Variants in PTPRD observed in about 807,000 individuals in gnomAD.
The protein encoded by PTPRD is protein tyrosine phosphatase receptor type D.
A neutral mutation model predicts 214.5 loss-of-function variants in PTPRD; 34 were observed. The observed-to-expected ratio is 0.16, with a 90% CI of 0.12 to 0.21. The LOEUF (loss-of-function observed/expected upper bound fraction) is 0.21, where lower values mean the gene tolerates loss of function less well. PTPRD is among the 10% of genes least tolerant of loss of function. PTPRD has a pLI of 1.00. For missense variants in PTPRD, 2,545 were observed against 2,398.7 expected (o/e 1.06, Z -1.27); for synonymous variants, 1,128 against 845.7 (o/e 1.33, Z -5.79).
At chr9:10,583,230 T>G (rs548348681) in intron 2 of PTPRD, among the ~76,000 whole-genome samples, 7 of 152,100 alleles carry the variant, frequency 4.6e-5, no homozygotes, top group Non-Finnish European at 7.4e-5. Flanking sequence ...TCACGAGGAG[T>G]TGGGTCAGCA....
chr9:9,372,446 T>G (rs1222204359), intron 9 of PTPRD, among the ~76,000 whole-genome samples: 1 of 152,130 alleles, frequency 6.6e-6, no homozygotes. Flanking sequence ...CCCTGTCTTT[T>G]TTTGTTTTCC....
chr9:9,007,800 CTT>C (rs35845079), intron 11 of PTPRD, among the ~76,000 whole-genome samples: 2 of 102,726 alleles, frequency 1.9e-5, no homozygotes, highest in Non-Finnish European at 4.2e-5. Flanking sequence ...TTGTTTCTTT[CTT>C]TTTTTTTTTA....
At chr9:9,650,165 C>A (rs1436815823) in intron 7 of PTPRD, among the ~76,000 whole-genome samples, 2 of 152,178 alleles carry the variant, frequency 1.3e-5, no homozygotes, top group African/African-American at 2.4e-5. Context: ...TAAAAGTGTG[C>A]AGTGGTTTTC....
intron 2 of PTPRD, among the ~76,000 whole-genome samples, chr9:10,493,747 T>C (rs1245286682): frequency 1.3e-5 from 2 of 152,014 alleles, no homozygotes; most frequent in African/African-American, 2.4e-5. Context: ...ATTTCCCCCA[T>C]AGAATAGATT....
chr9:10,398,163 G>A (rs1363435719), intron 2 of PTPRD, among the ~76,000 whole-genome samples: 1 of 151,536 alleles, frequency 6.6e-6, no homozygotes, highest in Non-Finnish European at 1.5e-5. Flanking sequence ...AGGAGTGCTT[G>A]AGACCAGGAG....
intron 3 of PTPRD, among the ~76,000 whole-genome samples, chr9:10,228,621 T>C (rs1000520217): frequency 2.0e-5 from 3 of 151,758 alleles, no homozygotes; most frequent in South Asian, 2.1e-4. Flanking sequence ...TAAAGGTATA[T>C]TTTTTTCACC....
At chr9:8,988,854 G>A (rs1197794335) in intron 11 of PTPRD, among the ~76,000 whole-genome samples, 3 of 152,074 alleles carry the variant, frequency 2.0e-5, no homozygotes, top group Non-Finnish European at 4.4e-5. Flanking sequence ...ACACAGAATT[G>A]TTCCAGAGAA....
intron 5 of PTPRD, among the ~76,000 whole-genome samples, chr9:9,917,415 C>A (rs2081233707): frequency 1.5e-5 from 2 of 133,348 alleles, no homozygotes; most frequent in East Asian, 2.3e-4. Context: ...CCATGAACAA[C>A]TACACTCCAA....
At chr9:9,015,165 A>G (rs1198230202) in intron 11 of PTPRD, among the ~76,000 whole-genome samples, 1 of 152,196 alleles carries the variant, frequency 6.6e-6, no homozygotes, top group Non-Finnish European at 1.5e-5. Flanking sequence ...AGAGGCATTT[A>G]AACCAGAGCA....
chr9:9,781,506 A>G (rs2098842386), intron 5 of PTPRD, among the ~76,000 whole-genome samples: 2 of 152,212 alleles, frequency 1.3e-5, no homozygotes, highest in Non-Finnish European at 2.9e-5. Context: ...CTAATTGACC[A>G]ATAATATACA....
At chr9:9,628,139 T>C (rs1020260775) in intron 7 of PTPRD, among the ~76,000 whole-genome samples, 1 of 152,208 alleles carries the variant, frequency 6.6e-6, no homozygotes, top group African/African-American at 2.4e-5. Context: ...ACTCTCATTA[T>C]GATACTGTAT....
intron 11 of PTPRD, among the ~76,000 whole-genome samples, chr9:8,838,626 T>C (rs1250883294): frequency 6.6e-6 from 1 of 152,074 alleles, no homozygotes; most frequent in Non-Finnish European, 1.5e-5. Flanking sequence ...ATTTTTTTTT[T>C]ACATTCTATG....
chr9:8,850,889 AG>A (rs1381594326), intron 11 of PTPRD, among the ~76,000 whole-genome samples: 6 of 152,234 alleles, frequency 3.9e-5, no homozygotes, highest in Admixed American at 6.5e-5. Context: ...ATGGGCCAGG[AG>A]GAAGGAAGAC....
chr9:9,081,136 C>G (rs1332369085), intron 10 of PTPRD, among the ~76,000 whole-genome samples: 1 of 152,094 alleles, frequency 6.6e-6, no homozygotes, highest in Non-Finnish European at 1.5e-5. Flanking sequence ...GCATTTAGTG[C>G]TATAAATTTC....
intron 11 of PTPRD, among the ~76,000 whole-genome samples, chr9:8,936,932 C>G (rs1439775588): frequency 1.1e-4 from 17 of 152,010 alleles, no homozygotes; most frequent in Non-Finnish European, 2.5e-4. Context: ...ACTTACTAAT[C>G]CATTCTTATC....
intron 7 of PTPRD, among the ~76,000 whole-genome samples, chr9:9,705,303 C>T (rs905722325): frequency 1.3e-5 from 2 of 152,132 alleles, no homozygotes; most frequent in Non-Finnish European, 2.9e-5. Flanking sequence ...TAGAATTATA[C>T]ATTTTTCCAT....
chr9:8,958,600 G>A (rs959933003), intron 11 of PTPRD: 2 of 151,894 alleles, frequency 1.3e-5, no homozygotes, highest in Non-Finnish European at 2.9e-5. Flanking sequence ...TAAAGCTTCC[G>A]AAATGACAGT....
chr9:9,184,222 T>C (rs1470036683), intron 9 of PTPRD, among the ~76,000 whole-genome samples: 1 of 152,058 alleles, frequency 6.6e-6, no homozygotes, highest in East Asian at 1.9e-4. Flanking sequence ...TCTTTCCCTA[T>C]CACACGTTAT....
intron 5 of PTPRD, among the ~76,000 whole-genome samples, chr9:9,816,934 G>C (rs2153560719): frequency 6.6e-6 from 1 of 152,112 alleles, no homozygotes; most frequent in Middle Eastern, 3.4e-3. Context: ...TTTTTTCTTA[G>C]TGGAACAATT....
Sources: allele counts gnomAD v4.1 joint callset (sites outside exome capture counted in the v4.1 genomes callset), GRCh38; gene constraint gnomAD v4.1.1; transcripts MANE v1.5; gene names NCBI Gene and HGNC (gene_info 2026-07-23, HGNC 2026-07-21).